Variants in HACE1 observed in about 807,000 individuals in gnomAD.
The protein encoded by HACE1 is HECT domain and ankyrin repeat containing E3 ubiquitin protein ligase 1.
HACE1 carries 73 observed loss-of-function variants against 118.4 expected under a neutral mutation model. The ratio of observed to expected loss-of-function variants is 0.62; its 90% CI spans 0.51 to 0.75. The LOEUF (loss-of-function observed/expected upper bound fraction) is 0.75, where lower values mean the gene tolerates loss of function less well. Among genes scored for constraint, HACE1 ranks in the 30% least tolerant of loss-of-function variants. The pLI, the probability that HACE1 is intolerant of heterozygous loss-of-function variation, is 0.00. For synonymous variants in HACE1, 368 were observed against 374.8 expected (o/e 0.98, Z 0.21); for missense variants, 749 against 1,102.2 (o/e 0.68, Z 4.54).
intron 7 of HACE1, among the ~76,000 whole-genome samples, chr6:104,800,255 T>C (rs1770168674): frequency 6.6e-6 from 1 of 152,152 alleles, no homozygotes. Context: ...CAAGGCCTAC[T>C]GCCTCCATAG....
intron 11 of HACE1, 140 bp from the exon 12 acceptor site, chr6:104,785,459 G>A: frequency 1.6e-6 from 1 of 644,644 alleles, no homozygotes; most frequent in East Asian, 2.7e-5. Context: ...TAACGTGATA[G>A]TAATGCCTAA....
intron 1 of HACE1, among the ~76,000 whole-genome samples, chr6:104,853,359 A>G (rs1356885759): frequency 6.6e-6 from 1 of 152,230 alleles, no homozygotes; most frequent in Non-Finnish European, 1.5e-5. Flanking sequence ...TCACAAAAAC[A>G]TGACCCAAAA....
At chr6:104,819,782 T>C (rs905197776) in intron 6 of HACE1, among the ~76,000 whole-genome samples, 1 of 152,110 alleles carries the variant, frequency 6.6e-6, no homozygotes, top group Non-Finnish European at 1.5e-5. Context: ...AAACAAGCAA[T>C]GGGGAAAGGA....
At chr6:104,776,655 C>T in intron 17 of HACE1, 86 bp downstream of exon 17, 1 of 842,466 alleles carries the variant, frequency 1.2e-6, no homozygotes, top group Non-Finnish European at 2.1e-6. Context: ...CACAGGTCTG[C>T]TGTGGAAATC....
intron 10 of HACE1, among the ~76,000 whole-genome samples, chr6:104,793,392 G>A (rs1163452840): frequency 6.6e-6 from 1 of 151,276 alleles, no homozygotes; most frequent in Non-Finnish European, 1.5e-5. Context: ...TGATTTCTCT[G>A]TTCATTTCCA....
At chr6:104,752,582 C>G (rs1198809056) in intron 19 of HACE1, among the ~76,000 whole-genome samples, 1 of 152,004 alleles carries the variant, frequency 6.6e-6, no homozygotes, top group Non-Finnish European at 1.5e-5. Flanking sequence ...TCAATAATCT[C>G]TGTGGAAGAC....
chr6:104,829,824 T>C (rs1773681942), intron 6 of HACE1, among the ~76,000 whole-genome samples: 4 of 152,176 alleles, frequency 2.6e-5, no homozygotes, highest in Admixed American at 2.0e-4. Context: ...CTTCTGAGAA[T>C]ACAATTGTTC....
At chr6:104,793,495 T>TATATGTTTATTA (rs1783286824) in intron 10 of HACE1, among the ~76,000 whole-genome samples, 2 of 152,182 alleles carry the variant, frequency 1.3e-5, no homozygotes, top group Admixed American at 1.3e-4. Context: ...TGCAAACGCC[T>TATATGTTTATTA]CAGTAAATGT....
chr6:104,758,500 G>A (rs565379568), intron 19 of HACE1, among the ~76,000 whole-genome samples: 8 of 152,214 alleles, frequency 5.3e-5, no homozygotes, highest in African/African-American at 1.9e-4. Flanking sequence ...AGCAAATGCT[G>A]AGAGACTTTG....
chr6:104,786,820 A>C (rs1355790857), intron 11 of HACE1: 1 of 152,174 alleles, frequency 6.6e-6, no homozygotes, highest in African/African-American at 2.4e-5. Context: ...TGATTACAGA[A>C]TGCTACAAAC....
At chr6:104,778,186 A>T (rs1196279952) in intron 14 of HACE1, among the ~76,000 whole-genome samples, 1 of 152,180 alleles carries the variant, frequency 6.6e-6, no homozygotes, top group Non-Finnish European at 1.5e-5. Context: ...TAGCAAAGAG[A>T]GTCTCTCCCT....
intron 19 of HACE1, among the ~76,000 whole-genome samples, chr6:104,759,266 G>T (rs970852664): frequency 6.6e-6 from 1 of 151,956 alleles, no homozygotes; most frequent in Admixed American, 6.6e-5. Context: ...GCACCACATC[G>T]CACTTATTCT....
Position 104,776,723 on chromosome 6 carries a change from C to T in HACE1, c.1864+18G>A, listed in dbSNP as rs779757526. 50 of 1,458,758 alleles carry T rather than the reference C, an allele frequency of 3.4e-5. No homozygotes were observed. The highest frequency in any genetic ancestry group is 4.7e-5 in the Non-Finnish European group (49 of 1,038,006). 90.4% of individuals were successfully genotyped at this position (1,458,758 alleles called of 1,614,324 possible). A position where few individuals can be genotyped will look rare whatever the true frequency, so the allele number is the denominator to read the frequency against. ...TGTGACAAGTTGCAGAAAAAGTCATCTAGACTGTACAACTTACCATCAGCT... is the reference window on the plus strand; with the variant it reads ...TGTGACAAGTTGCAGAAAAAGTCATTTAGACTGTACAACTTACCATCAGCT... On this transcript the variant is annotated intron_variant, in intron 17 of 23. Transcript: ENST00000262903.
intron 20 of HACE1, among the ~76,000 whole-genome samples, chr6:104,747,154 G>T (rs1777519976): frequency 2.0e-5 from 3 of 151,878 alleles, no homozygotes; most frequent in Admixed American, 2.0e-4. Flanking sequence ...CAAAATAATT[G>T]AATTCATCTG....
At chr6:104,747,314 T>C (rs906465962) in intron 20 of HACE1, among the ~76,000 whole-genome samples, 3 of 152,094 alleles carry the variant, frequency 2.0e-5, no homozygotes, top group Non-Finnish European at 4.4e-5. Flanking sequence ...CAGCACAGTA[T>C]GGAAGAACAG....
At chr6:104,845,476 C>CTTTTTTTT (rs35701834) in intron 4 of HACE1, among the ~76,000 whole-genome samples, 1 of 134,114 alleles carries the variant, frequency 7.5e-6, no homozygotes, top group African/African-American at 2.8e-5. Flanking sequence ...TCTGGGTAAA[C>CTTTTTTTT]TTTTTTTTTT....
chr6:104,853,450 C>G (rs1254227998), intron 1 of HACE1, among the ~76,000 whole-genome samples: 1 of 151,972 alleles, frequency 6.6e-6, no homozygotes, highest in East Asian at 1.9e-4. Flanking sequence ...TTATATATTA[C>G]TAAGGGTCAT....
chr6:104,754,443 A>C (rs140458998), intron 19 of HACE1, among the ~76,000 whole-genome samples: 2 of 152,278 alleles, frequency 1.3e-5, no homozygotes, highest in Non-Finnish European at 2.9e-5. Context: ...ACCCCAAGAC[A>C]TATAATCAGA....
rs558421106 is a variant in HACE1, at chr6:104,803,621, T to C, written c.618-6596A>G. Among the ~76,000 whole-genome samples the C allele has an allele frequency of 2.0e-5, 3 of 152,300 alleles. No homozygotes were observed. In the East Asian group the frequency reaches 5.8e-4, roughly 29 times the overall value. ...AGAACCAACGGCAAAAACCACATGA[T>C]TATCTCAATAGATGCAGAAAAGGCC... On this transcript the variant is annotated intron_variant, in intron 7 of 23. Transcript: ENST00000262903.
Sources: allele counts gnomAD v4.1 joint callset (sites outside exome capture counted in the v4.1 genomes callset), GRCh38; gene constraint gnomAD v4.1.1; transcripts MANE v1.5; gene names NCBI Gene and HGNC (gene_info 2026-07-23, HGNC 2026-07-21).